TNR: variants seen among roughly 807,000 people sequenced by gnomAD.
TNR encodes the protein tenascin R.
In TNR, 45 loss-of-function variants were observed where a neutral mutation model predicts 150.4. The ratio of observed to expected loss-of-function variants is 0.30; its 90% CI spans 0.24 to 0.38. The LOEUF (loss-of-function observed/expected upper bound fraction) is 0.38. TNR is among the 10% of genes least tolerant of loss of function. TNR has a pLI of 1.00. For synonymous variants in TNR, 687 were observed against 678.4 expected (o/e 1.01, Z -0.20); for missense variants, 1,544 against 1,759.1 (o/e 0.88, Z 2.19).
intron 1 of TNR, among the ~76,000 whole-genome samples, chr1:175,585,269 A>C (rs1271586452): frequency 6.6e-6 from 1 of 152,236 alleles, no homozygotes. Flanking sequence ...TAAATATAAA[A>C]CCAGGATTTG....
At chr1:175,574,974 A>T (rs1039177095) in intron 1 of TNR, among the ~76,000 whole-genome samples, 2 of 152,232 alleles carry the variant, frequency 1.3e-5, no homozygotes, top group Non-Finnish European at 2.9e-5. Flanking sequence ...CACATTCCTC[A>T]TGGAATTTAG....
chr1:175,562,883 A>C (rs1228580275), intron 1 of TNR, among the ~76,000 whole-genome samples: 1 of 152,234 alleles, frequency 6.6e-6, no homozygotes, highest in African/African-American at 2.4e-5. Flanking sequence ...GGCTGTGTCT[A>C]CTAGGAAAAC....
chr1:175,677,374 C>T lies in TNR; in HGVS notation c.-165+65852G>A, dbSNP rs964053340. On this transcript the variant is annotated intron_variant, in intron 1 of 22. Transcript: ENST00000367674. The stretch of plus-strand genomic sequence containing the variant: ...TTTCTGCTCCTGGGCACTGCTGTCT[C>T]TCTTTGGTTGGTGGAGGCAAAGTGA... 2.0e-5 allele frequency among the ~76,000 whole-genome samples: 3 copies of T among 152,188 alleles called. No homozygotes were observed. In the East Asian group the frequency reaches 5.8e-4, roughly 29 times the overall value.
chr1:175,731,529 T>C (rs766116008), intron 1 of TNR, among the ~76,000 whole-genome samples: 25 of 152,196 alleles, frequency 1.6e-4, no homozygotes, highest in Non-Finnish European at 3.1e-4. Context: ...CGGAGTCCTA[T>C]ATATGTTGCC....
chr1:175,682,087 T>G (rs565654493), intron 1 of TNR, among the ~76,000 whole-genome samples: 1 of 152,322 alleles, frequency 6.6e-6, no homozygotes, highest in South Asian at 2.1e-4. Flanking sequence ...AGGATGGTTT[T>G]AATCCTGAGA....
Position 175,344,217 on chromosome 1 carries a change from C to G in TNR, c.3383-6538G>C, listed in dbSNP as rs61806378. On this transcript the variant is annotated intron_variant, in intron 18 of 22. Transcript: ENST00000367674. ...AATTGAATGCAGACGAAGGGATGGC[C>G]GGTGCTTAGGGTGGCCAATCCAGGA... 9.4e-4 allele frequency among the ~76,000 whole-genome samples: 143 copies of G among 152,274 alleles called. 1 individual carries two copies. The highest frequency in any genetic ancestry group is 9.8e-4 in the Admixed American group (15 of 15,284).
intron 1 of TNR, among the ~76,000 whole-genome samples, chr1:175,601,978 G>A (rs1189169283): frequency 6.6e-6 from 1 of 152,058 alleles, no homozygotes; most frequent in Non-Finnish European, 1.5e-5. Flanking sequence ...CCCACTGTTG[G>A]CCTGCCCCAG....
chr1:175,663,956 G>C (rs886574474), intron 1 of TNR, among the ~76,000 whole-genome samples: 1 of 152,202 alleles, frequency 6.6e-6, no homozygotes, highest in Non-Finnish European at 1.5e-5. Flanking sequence ...AGAATAAAGA[G>C]CTCACCAGCA....
intron 1 of TNR, among the ~76,000 whole-genome samples, chr1:175,581,262 T>C (rs73050406): frequency 0.13 from 19,558 of 152,226 alleles, 1,551 homozygotes; most frequent in African/African-American, 0.22. Flanking sequence ...CAGGGGTTGC[T>C]GGATAGAATG....
intron 14 of TNR, among the ~76,000 whole-genome samples, chr1:175,360,749 T>C (rs1651553170): frequency 6.6e-6 from 1 of 152,248 alleles, no homozygotes; most frequent in Non-Finnish European, 1.5e-5. Context: ...ATAATCTGCA[T>C]GTTCAAAGAG....
chr1:175,337,140 C>T (rs1199294661), intron 19 of TNR, among the ~76,000 whole-genome samples: 11 of 152,154 alleles, frequency 7.2e-5, no homozygotes, highest in East Asian at 1.9e-4. Context: ...AGTCATCACC[C>T]GCCTTGGCCT....
rs893720623 is a variant in TNR, at chr1:175,318,011, TAAAC to T, written c.*5342_*5345del. ...CAGGCAAAGATTGACCTTAAAAAAATAAACAGAATGCTGGAGATGACAAATCAGG... is the reference window on the plus strand; with the variant it reads ...CAGGCAAAGATTGACCTTAAAAAAATAGAATGCTGGAGATGACAAATCAGG... On this transcript the variant is annotated 3_prime_UTR_variant, in exon 23 of 23. Coordinates refer to ENST00000367674, the MANE Select transcript of TNR (RefSeq NM_003285.3). The T allele has an allele frequency of 5.9e-5, 9 of 152,172 alleles. No individual in the cohort carries two copies. Among genetic ancestry groups the T allele is most frequent in the Non-Finnish European group, 1.2e-4 (8 of 68,022 alleles). The allele number at this position is 152,172 out of a possible 1,614,324, so 9.4% of individuals were successfully genotyped here. A position where few individuals can be genotyped will look rare whatever the true frequency, so the allele number is the denominator to read the frequency against.
At chr1:175,536,477 G>A (rs759978282) in intron 1 of TNR, among the ~76,000 whole-genome samples, 3 of 152,242 alleles carry the variant, frequency 2.0e-5, no homozygotes, top group African/African-American at 7.2e-5. Context: ...AGGAAACTGA[G>A]ACACAAAGTG....
chr1:175,389,507 T>G (rs930851943), intron 7 of TNR, among the ~76,000 whole-genome samples: 2 of 152,180 alleles, frequency 1.3e-5, no homozygotes, highest in African/African-American at 4.8e-5. Flanking sequence ...GGTCTCCCCC[T>G]TAGACTATTA....
chr1:175,440,368 A>T (rs1461052346), intron 2 of TNR, among the ~76,000 whole-genome samples: 1 of 124,670 alleles, frequency 8.0e-6, no homozygotes. Flanking sequence ...TACACCGGGG[A>T]CTGTTGTGGG....
intron 1 of TNR, among the ~76,000 whole-genome samples, chr1:175,702,252 G>A (rs1374708447): frequency 1.3e-5 from 2 of 152,168 alleles, no homozygotes; most frequent in African/African-American, 2.4e-5. Flanking sequence ...AAGCAAATGT[G>A]AGTAAATCAC....
intron 18 of TNR, among the ~76,000 whole-genome samples, chr1:175,339,297 A>C (rs1447972218): frequency 6.6e-6 from 1 of 152,230 alleles, no homozygotes; most frequent in East Asian, 1.9e-4. Context: ...ACCTGCATTT[A>C]TCTTACAAGC....
intron 2 of TNR, among the ~76,000 whole-genome samples, chr1:175,429,830 G>A (rs1236939997): frequency 6.6e-6 from 1 of 152,082 alleles, no homozygotes; most frequent in South Asian, 2.1e-4. Context: ...TCACCAAGAA[G>A]GCACAGGTTG....
chr1:175,504,564 C>T (rs1233632776), intron 2 of TNR, among the ~76,000 whole-genome samples: 1 of 152,212 alleles, frequency 6.6e-6, no homozygotes, highest in African/African-American at 2.4e-5. Context: ...GCTGCTGTCT[C>T]CAGGTCTACT....
Sources: gnomAD v4.1 joint callset for allele counts (sites outside exome capture counted in the v4.1 genomes callset) on GRCh38, gnomAD v4.1.1 for gene constraint, MANE v1.5 for transcripts, NCBI Gene and HGNC (gene_info 2026-07-23, HGNC 2026-07-21) for gene names.